The following TP63 variants were observed in gnomAD, a reference collection of about 807,000 sequenced individuals.
The protein encoded by TP63 is tumor protein p63, also known as tumor protein 63.
In TP63, 17 loss-of-function variants were observed where a neutral mutation model predicts 82.8. The observed-to-expected ratio is 0.21, with a 90% CI of 0.14 to 0.31. The LOEUF (loss-of-function observed/expected upper bound fraction) is 0.31. Ranked by LOEUF, TP63 falls within the 10% of genes least tolerant of loss-of-function variation. TP63 has a pLI of 1.00. For missense variants in TP63, 648 were observed against 895.3 expected, an observed-to-expected ratio of 0.72 and a Z score of 3.52; for synonymous variants, 330 against 321.7, an observed-to-expected ratio of 1.03 and a Z score of -0.28.
intron 3 of TP63, among the ~76,000 whole-genome samples, chr3:189,787,435 G>C (rs1724699897): frequency 6.6e-6 from 1 of 152,092 alleles, no homozygotes; most frequent in African/African-American, 2.4e-5. Context: ...CTAACTCCCA[G>C]TCCAGTGCTC....
At chr3:189,611,440 G>A in the TP63 span, among the ~76,000 whole-genome samples, 2 of 152,148 alleles carry the variant, frequency 1.3e-5, no homozygotes, top group Admixed American at 6.5e-5. Flanking sequence ...CTTTGTGAAA[G>A]ATCAGATGGT....
At chr3:189,763,559 G>A (rs1407546425) in intron 3 of TP63, among the ~76,000 whole-genome samples, 1 of 152,192 alleles carries the variant, frequency 6.6e-6, no homozygotes, top group Non-Finnish European at 1.5e-5. Context: ...AGTGCCAGAG[G>A]AAAGTAAAGC....
intron 10 of TP63, among the ~76,000 whole-genome samples, chr3:189,876,017 G>A (rs1238451817): frequency 6.6e-6 from 1 of 152,050 alleles, no homozygotes; most frequent in African/African-American, 2.4e-5. Context: ...AAGGATAGAG[G>A]TGAGAAAGAT....
intron 4 of TP63, among the ~76,000 whole-genome samples, chr3:189,816,866 A>G (rs1728245046): frequency 6.6e-6 from 1 of 152,094 alleles, no homozygotes; most frequent in Non-Finnish European, 1.5e-5. Flanking sequence ...CCCCACGTGA[A>G]ATTTAAAAGA....
chr3:189,859,405 GTT>G (rs1716727226), intron 4 of TP63, among the ~76,000 whole-genome samples: 1 of 151,940 alleles, frequency 6.6e-6, no homozygotes, highest in South Asian at 2.1e-4. Context: ...AATTACATAA[GTT>G]TGTTTTTATT....
At chr3:189,738,219 TTTG>T (rs991760861) in intron 2 of TP63, among the ~76,000 whole-genome samples, 3 of 152,210 alleles carry the variant, frequency 2.0e-5, no homozygotes, top group African/African-American at 7.2e-5. Flanking sequence ...AACACTAAAT[TTTG>T]TTGTTTATTT....
At position 189,752,641 on chromosome 3, in the gene TP63, TTC is replaced by T. The variant is rs768488562; in HGVS notation, c.324+13873_324+13874del. On this transcript the variant is annotated intron_variant, in intron 3 of 13. Transcript: ENST00000264731. ...GGTCAGCTTATCGGTTTCCCTGTTT[TTC>T]TCTCTTTCCATTTTCAACTTGATTA... Among the ~76,000 whole-genome samples the T allele has an allele frequency of 5.9e-5, 9 of 152,134 alleles. No individual in the cohort carries two copies. In the South Asian group the frequency reaches 1.0e-3, roughly 17 times the overall value.
chr3:189,706,115 C>A (rs1047331808), intron 1 of TP63, among the ~76,000 whole-genome samples: 14 of 152,044 alleles, frequency 9.2e-5, no homozygotes. Context: ...CTATAATCGC[C>A]CCCTGGTTTC....
intron 1 of TP63, among the ~76,000 whole-genome samples, chr3:189,718,084 A>G (rs1351808691): frequency 1.3e-5 from 2 of 152,172 alleles, no homozygotes; most frequent in Admixed American, 1.3e-4. Context: ...GGTAACCTAC[A>G]AGGATATATC....
At chr3:189,804,575 CCT>C (rs746632482) in intron 3 of TP63, among the ~76,000 whole-genome samples, 2 of 152,100 alleles carry the variant, frequency 1.3e-5, no homozygotes, top group East Asian at 1.9e-4. Context: ...CCAATTGTAC[CCT>C]GTTAACACAC....
intron 3 of TP63, among the ~76,000 whole-genome samples, chr3:189,800,101 G>C (rs1726127473): frequency 6.6e-6 from 1 of 152,068 alleles, no homozygotes; most frequent in African/African-American, 2.4e-5. Flanking sequence ...GAACAAAAGA[G>C]AATAATCTGT....
intron 4 of TP63, among the ~76,000 whole-genome samples, chr3:189,825,098 A>G (rs1284868854): frequency 6.6e-6 from 1 of 152,234 alleles, no homozygotes; most frequent in East Asian, 1.9e-4. Context: ...TGTTCTTGTA[A>G]TAGGCAAGAT....
At chr3:189,869,173 C>G in intron 8 of TP63, 151 bp from the exon 9 acceptor site, 1 of 679,028 alleles carries the variant, frequency 1.5e-6, no homozygotes, top group Non-Finnish European at 2.5e-6. Context: ...GGGCTAGAGC[C>G]TCTAATCTTA....
chr3:189,846,555 A>T (rs1714891496), intron 4 of TP63, among the ~76,000 whole-genome samples: 1 of 152,096 alleles, frequency 6.6e-6, no homozygotes, highest in Non-Finnish European at 1.5e-5. Flanking sequence ...ACAGAAGAAC[A>T]TATATTAAGT....
chr3:189,736,107 T>C (rs1366692877), intron 1 of TP63, among the ~76,000 whole-genome samples: 1 of 148,790 alleles, frequency 6.7e-6, no homozygotes, highest in Non-Finnish European at 1.5e-5. Flanking sequence ...ATACATATCA[T>C]TTATGAATAT....
chr3:189,873,040 A>C (rs1304420277), intron 10 of TP63, 45 bp downstream of exon 10: 2 of 1,613,740 alleles, frequency 1.2e-6, no homozygotes, highest in Non-Finnish European at 1.7e-6. Flanking sequence ...AGTGAGGGTG[A>C]CTTTATTTGG....
chr3:189,872,407 A>G (rs1033423309), intron 9 of TP63, among the ~76,000 whole-genome samples: 1 of 143,080 alleles, frequency 7.0e-6, no homozygotes, highest in African/African-American at 3.0e-5. Context: ...TCTAACACAC[A>G]CACACACACA....
chr3:189,759,724 C>T (rs1422416791), intron 3 of TP63, among the ~76,000 whole-genome samples: 1 of 152,126 alleles, frequency 6.6e-6, no homozygotes, highest in Non-Finnish European at 1.5e-5. Flanking sequence ...TTGTGGAGGC[C>T]ACAGTTCTTA....
At chr3:189,612,536 C>T in the TP63 span, among the ~76,000 whole-genome samples, 8 of 152,068 alleles carry the variant, frequency 5.3e-5, no homozygotes, top group East Asian at 1.9e-4. Context: ...CTATCAGCAG[C>T]GTGAAAATGA....
Sources: gnomAD v4.1 joint callset for allele counts (sites outside exome capture counted in the v4.1 genomes callset) on GRCh38, gnomAD v4.1.1 for gene constraint, MANE v1.5 for transcripts, NCBI Gene and HGNC (gene_info 2026-07-23, HGNC 2026-07-21) for gene names.